ZNF177: variants seen among roughly 807,000 people sequenced by gnomAD.
The protein encoded by ZNF177 is zinc finger protein 177.
Under a neutral mutation model 19.4 loss-of-function variants are expected in ZNF177, and 17 were observed. The observed-to-expected ratio is 0.87, with a 90% CI of 0.60 to 1.31. ZNF177 has a LOEUF of 1.31. Among genes scored for constraint, ZNF177 ranks in the 40% most tolerant of loss-of-function variants. ZNF177 has a pLI of 0.00. For missense variants in ZNF177, 633 were observed against 561.8 expected (o/e 1.13, Z -1.28); for synonymous variants, 220 against 188.7 (o/e 1.17, Z -1.36).
chr19:9,381,869 A>C, exon 6 of ZNF177: 1 of 1,503,028 alleles, frequency 6.7e-7, no homozygotes, highest in Non-Finnish European at 8.8e-7. Flanking sequence ...TCACCTGGAA[A>C]CAGCCTTCTG....
exon 6 of ZNF177, chr19:9,382,032 C>T (rs1248660329): frequency 3.8e-6 from 2 of 527,384 alleles, no homozygotes; most frequent in Non-Finnish European, 3.2e-6. Context: ...GCATTGTGAA[C>T]AGAACACATG....
chr19:9,366,201 T>G (rs1309966511), intron 2 of ZNF177, among the ~76,000 whole-genome samples: 1 of 152,222 alleles, frequency 6.6e-6, no homozygotes, highest in Non-Finnish European at 1.5e-5. Context: ...CAGAGTGGTC[T>G]GGATCTCCTG....
chr19:9,381,305 C>G (rs138793832), exon 6 of ZNF177: 9 of 1,613,982 alleles, frequency 5.6e-6, no homozygotes, highest in Middle Eastern at 1.6e-4. Context: ...AGCCAGAGCT[C>G]TCATCTGAAT....
exon 6 of ZNF177, chr19:9,381,283 G>A: frequency 1.2e-6 from 2 of 1,614,048 alleles, no homozygotes; most frequent in South Asian, 1.1e-5. Context: ...TGATCACTGT[G>A]GAAAATCCTT....
exon 3 of ZNF177, chr19:9,379,068 T>C: frequency 6.2e-7 from 1 of 1,609,410 alleles, no homozygotes; most frequent in Non-Finnish European, 8.5e-7. Flanking sequence ...CTGGAGAACT[T>C]TAGGAACCTG....
chr19:9,367,365 GA>G (rs986651302), intron 2 of ZNF177, among the ~76,000 whole-genome samples: 57 of 152,180 alleles, frequency 3.7e-4, no homozygotes, highest in African/African-American at 1.3e-3. Context: ...AATTCAGCCC[GA>G]AAGTTTTCAG....
upstream of ZNF177, among the ~76,000 whole-genome samples, chr19:9,372,538 TCC>T (rs1215309357): frequency 8.3e-5 from 12 of 145,418 alleles, no homozygotes; most frequent in Non-Finnish European, 1.8e-4. Context: ...AGCTTTCTTT[TCC>T]TTTTTTTTTT....
chr19:9,374,296 A>G (rs1036855132), upstream of ZNF177, among the ~76,000 whole-genome samples: 4 of 152,254 alleles, frequency 2.6e-5, no homozygotes, highest in Admixed American at 6.5e-5. Context: ...TCATTACAGT[A>G]CCTTTGTAAT....
chr19:9,380,253 C>T (rs979254022), intron 5 of ZNF177, 114 bp downstream of exon 7: 2 of 1,258,642 alleles, frequency 1.6e-6, no homozygotes, highest in African/African-American at 1.6e-5. Flanking sequence ...AGGCTTTCAC[C>T]AGAAAGCTGT....
exon 6 of ZNF177, chr19:9,380,677 C>G: frequency 1.3e-6 from 2 of 1,535,616 alleles, no homozygotes; most frequent in Non-Finnish European, 1.7e-6. Flanking sequence ...GGCAGAAAAT[C>G]AACCTGGTGA....
intron 3 of ZNF177, 186 bp downstream of exon 5, chr19:9,379,274 A>G (rs2068154895): frequency 1.7e-6 from 2 of 1,170,280 alleles, no homozygotes; most frequent in East Asian, 2.6e-5. Context: ...CTCTATCACT[A>G]ATAGCTTAAG....
intron 2 of ZNF177, among the ~76,000 whole-genome samples, chr19:9,371,189 C>T (rs2122510701): frequency 6.6e-6 from 1 of 152,294 alleles, no homozygotes; most frequent in South Asian, 2.1e-4. Context: ...ATTATCCCAC[C>T]TAACAAAGTC....
upstream of ZNF177, chr19:9,371,536 C>T (rs1254062868): frequency 6.6e-6 from 1 of 152,122 alleles, no homozygotes; most frequent in Non-Finnish European, 1.5e-5. Context: ...ATACTGAAGA[C>T]ATTGTCCTGC....
upstream of ZNF177, chr19:9,376,192 T>A (rs1032915319): frequency 7.9e-5 from 12 of 152,196 alleles, no homozygotes; most frequent in African/African-American, 2.9e-4. Context: ...TGGAGTGCAG[T>A]GGCATGATCA....
exon 6 of ZNF177, chr19:9,381,150 C>G: frequency 1.2e-6 from 2 of 1,614,168 alleles, no homozygotes; most frequent in Non-Finnish European, 1.7e-6. Flanking sequence ...CCCTTCAGAA[C>G]TGTGTCAGAA....
chr19:9,368,959 T>C (rs1271142979), intron 2 of ZNF177, among the ~76,000 whole-genome samples: 1 of 152,152 alleles, frequency 6.6e-6, no homozygotes, highest in African/African-American at 2.4e-5. Flanking sequence ...TACCAAATCT[T>C]TTTCTAAGTT....
At position 9,381,329 on chromosome 19, in the gene ZNF177, C is replaced by T. The variant is rs1034301965; in HGVS notation, c.998C>T (p.Thr333Ile). 3.7e-6 allele frequency: 6 copies of T among 1,613,942 alleles called. No homozygotes were observed. The African/African-American group carries it at 6.7e-5, about 18-fold the overall frequency. The change falls in exon 6 of 6, where the codon ACT (threonine) becomes ATT (isoleucine). Residue 333 changes from threonine to isoleucine, a missense_variant. Transcript: ENST00000589262. ...TCTCATCTGAATGTGCACAAAAGAACTCACACTGGAGAGAAACCCTATGAC... is the reference window on the plus strand; with the variant it reads ...TCTCATCTGAATGTGCACAAAAGAATTCACACTGGAGAGAAACCCTATGAC...
chr19:9,380,643 T>C (rs2068182161), intron 5 of ZNF177, 25 bp from the exon 8 acceptor site: 15 of 1,535,888 alleles, frequency 9.8e-6, no homozygotes, highest in Non-Finnish European at 1.3e-5. Context: ...AAGCCTCTAG[T>C]CACCACTTAC....
intron 2 of ZNF177, among the ~76,000 whole-genome samples, chr19:9,369,072 A>G (rs983804049): frequency 1.3e-5 from 2 of 152,086 alleles, no homozygotes; most frequent in Admixed American, 6.5e-5. Context: ...CAGTATATTC[A>G]CCATACAGTA....
Sources: gnomAD v4.1 joint callset for allele counts (sites outside exome capture counted in the v4.1 genomes callset) on GRCh38, gnomAD v4.1.1 for gene constraint, MANE v1.5 for transcripts, NCBI Gene and HGNC (gene_info 2026-07-23, HGNC 2026-07-21) for gene names.